The following PCDHGA8 variants were observed in gnomAD, a reference collection of about 807,000 sequenced individuals.
PCDHGA8 encodes protocadherin gamma-A8.
Under a neutral mutation model 59.2 loss-of-function variants are expected in PCDHGA8, and 45 were observed. The ratio of observed to expected loss-of-function variants is 0.76; its 90% CI spans 0.60 to 0.98. The LOEUF is 0.98. PCDHGA8 is among the 50% of genes least tolerant of loss of function. PCDHGA8 has a pLI of 0.00. For synonymous variants in PCDHGA8, 531 were observed against 519.0 expected, an observed-to-expected ratio of 1.02 and a Z score of -0.32; for missense variants, 1,257 against 1,196.2, an observed-to-expected ratio of 1.05 and a Z score of -0.75.
At chr5:141,503,804 G>A (rs2099831736) in intron 2 of PCDHGA8, among the ~76,000 whole-genome samples, 1 of 152,034 alleles carries the variant, frequency 6.6e-6, no homozygotes, top group South Asian at 2.1e-4. Flanking sequence ...TAGGGACGGG[G>A]AATCCCAGAT....
chr5:141,412,992 G>A (rs1367027301), intron 1 of PCDHGA8: 1 of 568,350 alleles, frequency 1.8e-6, no homozygotes, highest in Non-Finnish European at 3.0e-6. Flanking sequence ...AGCTCAATCC[G>A]GATTCTCAGG....
chr5:141,418,429 A>T (rs765952024), intron 1 of PCDHGA8: 2 of 1,613,854 alleles, frequency 1.2e-6, no homozygotes, highest in African/African-American at 2.7e-5. Context: ...ATGGTGGCAA[A>T]TATCCAGAAT....
chr5:141,422,703 G>A (rs1473348513), intron 1 of PCDHGA8: 1 of 1,603,132 alleles, frequency 6.2e-7, no homozygotes, highest in Admixed American at 1.7e-5. Context: ...CTTACTCTCT[G>A]ACGGATGACA....
Position 141,409,934 on chromosome 5 carries a change from G to A in PCDHGA8, c.2424+14697G>A. The A allele has an allele frequency of 1.9e-6, 3 of 1,613,362 alleles. No individual in the cohort carries two copies. Among genetic ancestry groups the A allele is most frequent in the South Asian group, 2.2e-5 (2 of 91,074 alleles). On this transcript the variant is annotated intron_variant, in intron 1 of 3. Transcript: ENST00000398604. ...TGACGGCTCCGCGTTCTTCGATATG[G>A]TACCTCGCTCTGCAGAGCCCGGCTA...
chr5:141,408,897 T>C (rs1156707427), intron 1 of PCDHGA8: 1 of 1,613,118 alleles, frequency 6.2e-7, no homozygotes, highest in East Asian at 2.2e-5. Context: ...GAAATTTCTG[T>C]CAAGGATACC....
At position 141,422,424 on chromosome 5, in the gene PCDHGA8, T is replaced by C. The variant is rs1182660567; in HGVS notation, c.2424+27187T>C. The C allele has an allele frequency of 2.5e-6, 4 of 1,608,076 alleles. No homozygotes were observed. The East Asian group carries it at 6.7e-5, about 27-fold the overall frequency. On this transcript the variant is annotated intron_variant, in intron 1 of 3. Transcript: ENST00000398604. ...TGCCTTTTAAATTAGAAAAGACTTA[T>C]GGAAATTATTACAAATTGATAACAA...
chr5:141,420,494 C>A (rs978136090), intron 1 of PCDHGA8: 1 of 499,510 alleles, frequency 2.0e-6, no homozygotes, highest in Non-Finnish European at 3.1e-6. Context: ...GGGTAATCTC[C>A]GGTGACATTT....
rs765249445 is a variant in PCDHGA8, at chr5:141,489,754, C to T, written c.2425-5053C>T. ...CACCAATACTGTGAGCTTTTACACT[C>T]TAAGCCCCAACAGCCACTTCTCTCT... is the stretch of plus-strand genomic sequence containing the variant. On this transcript the variant is annotated intron_variant, in intron 1 of 3. Coordinates refer to ENST00000398604, the MANE Select transcript of PCDHGA8 (RefSeq NM_032088.2). The surrounding 1 kb of genome is among the most constrained non-coding windows in gnomAD (Gnocchi z 4.5). The T allele has an allele frequency of 4.0e-5, 64 of 1,613,992 alleles. No individual in the cohort carries two copies. The South Asian group carries it at 6.8e-4, about 17-fold the overall frequency.
rs778198822 is a variant in PCDHGA8, at chr5:141,432,802, A to C, written c.2424+37565A>C. 6.2e-7 allele frequency: 1 copy of C among 1,614,082 alleles called. No homozygotes were observed. The highest frequency in any genetic ancestry group is 1.1e-5 in the South Asian group (1 of 91,076). The stretch of plus-strand genomic sequence containing the variant: ...CGGACCTCGGCAGCCTCGAGTCTCC[A>C]GCTAACTCTGAAACCTCAGACCTCA... On this transcript the variant is annotated intron_variant, in intron 1 of 3. Transcript: ENST00000398604. This position sits in a 1 kb window ranked among gnomAD's most constrained non-coding sequence, Gnocchi z 6.0.
rs1561648568 is a variant in PCDHGA8 at position 141,394,432 on chromosome 5, C to T, written c.1619C>T (p.Pro540Leu). The T allele has an allele frequency of 1.2e-6, 2 of 1,614,238 alleles. No homozygotes were observed. The highest frequency in any genetic ancestry group is 1.7e-5 in the Admixed American group (1 of 60,030). The change falls in exon 1 of 4, where the codon CCG becomes CTG. Residue 540 changes from proline (P) to leucine (L), a missense_variant. By Grantham distance (98) the Pro-to-Leu change is moderately conservative. Coordinates refer to ENST00000398604, the MANE Select transcript of PCDHGA8 (RefSeq NM_032088.2). Reference protein sequence around the residue: ...LLVTASDSGDPPLSSNMSLSL... With the variant: ...LLVTASDSGDLPLSSNMSLSL... ...GTAACAGCCAGCGACAGCGGGGACC[C>T]GCCCCTCAGCAGCAACATGTCACTG...
At chr5:141,415,045 G>A (rs2095819214) in intron 1 of PCDHGA8, 23 of 1,613,538 alleles carry the variant, frequency 1.4e-5, no homozygotes, top group Non-Finnish European at 1.8e-5. Flanking sequence ...CTTCGCGGTG[G>A]GGGAGCACAC....
Position 141,431,758 on chromosome 5 carries a change from C to T in PCDHGA8, c.2424+36521C>T. Reference sequence around the variant, plus strand: ...CAGGATATTCTGCGCGAGCCAAAGTCCTGATCACTGTTCTGGACGTGAACG... The same window carrying T: ...CAGGATATTCTGCGCGAGCCAAAGTTCTGATCACTGTTCTGGACGTGAACG... On this transcript the variant is annotated intron_variant, in intron 1 of 3. Transcript: ENST00000398604. This position sits in a 1 kb window ranked among gnomAD's most constrained non-coding sequence, Gnocchi z 4.8. 1.9e-6 allele frequency: 3 copies of T among 1,614,172 alleles called. No homozygotes were observed. The highest frequency in any genetic ancestry group is 1.7e-6 in the Non-Finnish European group (2 of 1,180,020).
intron 1 of PCDHGA8, chr5:141,399,144 T>G: frequency 6.2e-7 from 1 of 1,613,728 alleles, no homozygotes. Flanking sequence ...AAAATGACAA[T>G]AGCCCAGAAG....
intron 1 of PCDHGA8, among the ~76,000 whole-genome samples, chr5:141,448,344 A>G (rs2098583423): frequency 6.6e-6 from 1 of 152,080 alleles, no homozygotes; most frequent in Admixed American, 6.6e-5. Flanking sequence ...CATGTACCTC[A>G]ATCTTAGTAG....
intron 1 of PCDHGA8, chr5:141,426,993 G>A (rs1331210977): frequency 1.1e-5 from 5 of 456,742 alleles, no homozygotes; most frequent in Middle Eastern, 3.3e-4. Context: ...CAACGATAAT[G>A]CCCCAGTTTT....
At position 141,393,057 on chromosome 5, in the gene PCDHGA8, G is replaced by C. The variant is rs1273747847; in HGVS notation, c.244G>C (p.Gly82Arg). 9 of 1,613,514 alleles carry C rather than the reference G, an allele frequency of 5.6e-6. No homozygotes were observed. The highest frequency in any genetic ancestry group is 2.2e-5 in the South Asian group (2 of 91,064). ...GCTCTTTGCTCTGAACCCGCGCAGC[G>C]GCAGCTTGATCACCGCGGGCAGGAT... ...TQLFALNPRS[G>R]SLITAGRIDR... The change falls in exon 1 of 4, where the codon GGC (glycine) becomes CGC (arginine). Residue 82 changes from glycine (G) to arginine (R), a missense_variant. Coordinates refer to ENST00000398604, the MANE Select transcript of PCDHGA8 (RefSeq NM_032088.2).
Position 141,472,217 on chromosome 5 carries a change from C to T in PCDHGA8, c.2425-22590C>T, listed in dbSNP as rs181908144. On this transcript the variant is annotated intron_variant, in intron 1 of 3. Transcript: ENST00000398604. ...CTTTTTGACACTAAGACCTTACTCTCGATCATATAATACATTCACTTTCTA... is the reference window on the plus strand; with the variant it reads ...CTTTTTGACACTAAGACCTTACTCTTGATCATATAATACATTCACTTTCTA... Among the ~76,000 whole-genome samples the T allele has an allele frequency of 3.1e-4, 47 of 152,234 alleles. 1 individual carries two copies. The highest frequency in any genetic ancestry group is 1.1e-3 in the African/African-American group (44 of 41,538).
At position 141,409,348 on chromosome 5, in the gene PCDHGA8, C is replaced by T. The variant is rs115471135; in HGVS notation, c.2424+14111C>T. The T allele has an allele frequency of 4.7e-4, 755 of 1,614,018 alleles. 4 individuals carry two copies. The African/African-American group carries it at 8.3e-3, about 18-fold the overall frequency. On this transcript the variant is annotated intron_variant, in intron 1 of 3. Coordinates refer to ENST00000398604, the MANE Select transcript of PCDHGA8 (RefSeq NM_032088.2). Reference sequence around the variant, plus strand: ...TGGATTTCGGAGGAAATGGAGAAGTCAGGTGTAATATAGAAACAGACATTC... The same window carrying T: ...TGGATTTCGGAGGAAATGGAGAAGTTAGGTGTAATATAGAAACAGACATTC...
At chr5:141,507,931 G>A (rs1442781255) in intron 3 of PCDHGA8, 1 of 152,326 alleles carries the variant, frequency 6.6e-6, no homozygotes, top group African/African-American at 2.4e-5. Context: ...CTGCTGAGAG[G>A]GGTTAAGTAA....
Sources: gnomAD v4.1 joint callset for allele counts (sites outside exome capture counted in the v4.1 genomes callset) on GRCh38, gnomAD v4.1.1 for gene constraint, Gnocchi (gnomAD v3.1) non-coding constraint, MANE v1.5 for transcripts, NCBI Gene and HGNC (gene_info 2026-07-23, HGNC 2026-07-21) for gene names.